The following ARHGAP19 variants were observed in gnomAD, a reference collection of about 807,000 sequenced individuals.
ARHGAP19 encodes rho GTPase-activating protein 19.
In ARHGAP19, 48 loss-of-function variants were observed where a neutral mutation model predicts 60.9. The ratio of observed to expected loss-of-function variants is 0.79; its 90% CI spans 0.62 to 1.00. ARHGAP19 has a LOEUF of 1.00. ARHGAP19 is among the 50% of genes least tolerant of loss of function. ARHGAP19 has a pLI of 0.00. For missense variants in ARHGAP19, 562 were observed against 597.2 expected (o/e 0.94, Z 0.61); for synonymous variants, 209 against 215.5 (o/e 0.97, Z 0.27).
chr10:97,290,302 C>CA (rs1360153646), intron 1 of ARHGAP19, among the ~76,000 whole-genome samples: 2 of 152,376 alleles, frequency 1.3e-5, no homozygotes, highest in African/African-American at 4.8e-5. Flanking sequence ...CCGGATCTGG[C>CA]AGGGTGTCTG....
chr10:97,258,127 G>C (rs1219335119), intron 5 of ARHGAP19, among the ~76,000 whole-genome samples: 1 of 152,214 alleles, frequency 6.6e-6, no homozygotes, highest in Non-Finnish European at 1.5e-5. Flanking sequence ...TTAATAGGTT[G>C]AGGACTTACT....
At chr10:97,274,640 T>C (rs1009368816) in intron 1 of ARHGAP19, among the ~76,000 whole-genome samples, 1 of 152,092 alleles carries the variant, frequency 6.6e-6, no homozygotes, top group Admixed American at 6.6e-5. Context: ...ATAATTGACG[T>C]TTCATGACAA....
chr10:97,239,545 A>AGGTTGTGTGTGT (rs1564713401), intron 8 of ARHGAP19, among the ~76,000 whole-genome samples: 1 of 122,182 alleles, frequency 8.2e-6, no homozygotes, highest in African/African-American at 3.1e-5. Flanking sequence ...AGAGAGAGAG[A>AGGTTGTGTGTGT]GAGAGGGTGT....
intron 6 of ARHGAP19, among the ~76,000 whole-genome samples, chr10:97,252,053 G>A (rs968563590): frequency 3.9e-5 from 6 of 151,964 alleles, no homozygotes; most frequent in Admixed American, 3.9e-4. Context: ...GAAAAGATGT[G>A]GTGTTGGGAA....
chr10:97,270,530 AAAC>A (rs1842948410), intron 1 of ARHGAP19: 1 of 1,281,652 alleles, frequency 7.8e-7, no homozygotes. Flanking sequence ...ATTTAAGCAA[AAAC>A]AACTTTCTAC....
chr10:97,228,769 C>T (rs1382984844), intron 11 of ARHGAP19, among the ~76,000 whole-genome samples: 1 of 152,214 alleles, frequency 6.6e-6, no homozygotes, highest in African/African-American at 2.4e-5. Flanking sequence ...GGCTGGCCTA[C>T]ACAGAAAAGG....
intron 6 of ARHGAP19, among the ~76,000 whole-genome samples, chr10:97,249,139 C>A (rs568531920): frequency 3.4e-4 from 52 of 152,172 alleles, no homozygotes; most frequent in Non-Finnish European, 7.2e-4. Flanking sequence ...CAAAGAAAAG[C>A]TATTCTCCAA....
chr10:97,244,266 C>G, intron 7 of ARHGAP19, 107 bp from the exon 8 acceptor site: 1 of 787,098 alleles, frequency 1.3e-6, no homozygotes, highest in Non-Finnish European at 2.0e-6. Flanking sequence ...ACATGGTATA[C>G]TCCTATACTC....
intron 8 of ARHGAP19, 123 bp from the exon 9 acceptor site, chr10:97,235,438 T>C (rs1026498945): frequency 1.3e-5 from 10 of 784,822 alleles, no homozygotes; most frequent in Non-Finnish European, 1.8e-5. Flanking sequence ...ATAGATGGAT[T>C]AGGAGGTCAA....
intron 1 of ARHGAP19, among the ~76,000 whole-genome samples, chr10:97,284,128 G>C (rs1435083972): frequency 6.6e-6 from 1 of 151,586 alleles, no homozygotes. Flanking sequence ...TGTATTTTTT[G>C]CTTTTTGTTT....
At chr10:97,233,324 C>G (rs1224413653) in intron 9 of ARHGAP19, among the ~76,000 whole-genome samples, 2 of 149,990 alleles carry the variant, frequency 1.3e-5, no homozygotes, top group African/African-American at 4.9e-5. Flanking sequence ...TGTACTTCAG[C>G]CTGAGCAGCA....
chr10:97,247,247 C>T (rs949513665), intron 6 of ARHGAP19, among the ~76,000 whole-genome samples: 4 of 151,886 alleles, frequency 2.6e-5, no homozygotes, highest in Non-Finnish European at 4.4e-5. Flanking sequence ...AAGTTCAAGG[C>T]TGCAGTGAGC....
chr10:97,246,361 C>G lies in ARHGAP19; in HGVS notation c.928-24G>C, dbSNP rs961894536. 6 of 1,581,880 alleles carry G rather than the reference C, an allele frequency of 3.8e-6. No individual in the cohort carries two copies. In the African/African-American group the frequency reaches 5.4e-5, roughly 14 times the overall value. On this transcript the variant is annotated intron_variant, in intron 6 of 11. Transcript: ENST00000358531. ...GCCTGGGCAGGACATAAAAGAAAAC[C>G]AAAACCCAGTGATTAGTAGAATATA...
At chr10:97,290,810 G>A (rs562014747) in intron 1 of ARHGAP19, among the ~76,000 whole-genome samples, 1 of 152,118 alleles carries the variant, frequency 6.6e-6, no homozygotes, top group Admixed American at 6.5e-5. Context: ...TAATGACATC[G>A]AAGGCAACCC....
chr10:97,252,171 T>C (rs1270628150), intron 6 of ARHGAP19, among the ~76,000 whole-genome samples: 1 of 151,878 alleles, frequency 6.6e-6, no homozygotes. Flanking sequence ...TAGCAAGACC[T>C]CATCTCTACA....
At chr10:97,253,451 T>C (rs915003379) in intron 6 of ARHGAP19, among the ~76,000 whole-genome samples, 1 of 151,174 alleles carries the variant, frequency 6.6e-6, no homozygotes, top group African/African-American at 2.4e-5. Context: ...ATTGATCTCA[T>C]AGAGGTAGGG....
At position 97,256,394 on chromosome 10, in the gene ARHGAP19, T is replaced by C; in HGVS notation, c.851A>G (p.Asn284Ser). ...CTTTGTGATATTCTCCTGAAGGTCA[T>C]TTGCAGTGACCTATTCAGAGGAAAA... The part of the protein sequence containing the change: ...HVLWPKNVTA[N>S]DLQENITKLN... Residue 284 changes from asparagine to serine, a missense_variant, in exon 6 of 12, where the codon AAT becomes AGT. Coordinates refer to ENST00000358531, the MANE Select transcript of ARHGAP19 (RefSeq NM_032900.6). 1 of 1,612,662 alleles carries C rather than the reference T, an allele frequency of 6.2e-7. No individual in the cohort carries two copies. Among genetic ancestry groups the C allele is most frequent in the South Asian group, 1.1e-5 (1 of 91,040 alleles).
intron 1 of ARHGAP19, 125 bp downstream of exon 1, chr10:97,292,447 A>T: frequency 1.6e-6 from 2 of 1,282,108 alleles, no homozygotes; most frequent in Non-Finnish European, 2.2e-6. Flanking sequence ...AGGCGCGACG[A>T]TGAGAAACGC....
chr10:97,243,569 A>C (rs1842519855), intron 8 of ARHGAP19, among the ~76,000 whole-genome samples: 1 of 152,248 alleles, frequency 6.6e-6, no homozygotes, highest in South Asian at 2.1e-4. Context: ...TACACAGATT[A>C]TCTCTAATTT....
Sources: gnomAD v4.1 joint callset for allele counts (sites outside exome capture counted in the v4.1 genomes callset) on GRCh38, gnomAD v4.1.1 for gene constraint, MANE v1.5 for transcripts, NCBI Gene and HGNC (gene_info 2026-07-23, HGNC 2026-07-21) for gene names.